ADAMTS6: variants seen among roughly 807,000 people sequenced by gnomAD.
ADAMTS6 encodes the protein ADAM metallopeptidase with thrombospondin type 1 motif 6.
Under a neutral mutation model 144.3 loss-of-function variants are expected in ADAMTS6, and 23 were observed. That is an observed-to-expected ratio of 0.16 (90% CI 0.11 to 0.23). ADAMTS6 has a LOEUF of 0.23. ADAMTS6 is among the 10% of genes least tolerant of loss of function. ADAMTS6 has a pLI of 1.00. For synonymous variants in ADAMTS6, 444 were observed against 457.5 expected (o/e 0.97, Z 0.38); for missense variants, 999 against 1,379.6 (o/e 0.72, Z 4.37).
At chr5:65,296,112 A>G (rs1439271195) in intron 10 of ADAMTS6, among the ~76,000 whole-genome samples, 1 of 152,158 alleles carries the variant, frequency 6.6e-6, no homozygotes, top group Non-Finnish European at 1.5e-5. Context: ...GTCAATCTAA[A>G]AAAGAAATCT....
chr5:65,439,878 C>T (rs1561543395), intron 7 of ADAMTS6, among the ~76,000 whole-genome samples: 1 of 152,158 alleles, frequency 6.6e-6, no homozygotes, highest in Admixed American at 6.5e-5. Flanking sequence ...GATTTCGGTT[C>T]ACTGCAACCT....
chr5:65,273,774 T>C (rs1170604296), intron 11 of ADAMTS6, among the ~76,000 whole-genome samples: 1 of 152,130 alleles, frequency 6.6e-6, no homozygotes, highest in African/African-American at 2.4e-5. Context: ...AGGAAATATA[T>C]GTTTATTACA....
chr5:65,269,263 A>G (rs918084487), intron 12 of ADAMTS6, among the ~76,000 whole-genome samples: 1 of 152,204 alleles, frequency 6.6e-6, no homozygotes, highest in Non-Finnish European at 1.5e-5. Flanking sequence ...TTCTATCCTT[A>G]TATTATCTCT....
At chr5:65,373,960 A>G (rs1381372790) in intron 7 of ADAMTS6, among the ~76,000 whole-genome samples, 1 of 152,238 alleles carries the variant, frequency 6.6e-6, no homozygotes, top group Non-Finnish European at 1.5e-5. Context: ...CAATATACGC[A>G]AATCAGTACA....
chr5:65,450,368 A>G (rs1758639146), intron 7 of ADAMTS6, among the ~76,000 whole-genome samples: 1 of 152,168 alleles, frequency 6.6e-6, no homozygotes, highest in Admixed American at 6.5e-5. Flanking sequence ...AACTTTTTCT[A>G]AAGTTTACAT....
At chr5:65,239,462 A>C (rs1758981107) in intron 15 of ADAMTS6, among the ~76,000 whole-genome samples, 1 of 152,200 alleles carries the variant, frequency 6.6e-6, no homozygotes, top group Admixed American at 6.5e-5. Context: ...CTTTTGGAAG[A>C]AAACATATGA....
intron 16 of ADAMTS6, 45 bp downstream of exon 16, chr5:65,226,041 A>G (rs775708409): frequency 8.3e-6 from 13 of 1,559,324 alleles, no homozygotes; most frequent in Non-Finnish European, 1.1e-5. Flanking sequence ...AGAAAAAGAT[A>G]AAAGTCTCAA....
chr5:65,338,587 T>C (rs10471653), intron 7 of ADAMTS6, among the ~76,000 whole-genome samples: 85,514 of 151,756 alleles, frequency 0.56, 25,182 homozygotes, highest in African/African-American at 0.74. Context: ...CAGCCTTTTG[T>C]CTGAATCCCA....
intron 7 of ADAMTS6, among the ~76,000 whole-genome samples, chr5:65,353,168 T>C (rs1749018817): frequency 6.6e-6 from 1 of 152,040 alleles, no homozygotes. Flanking sequence ...ACATTGTTAA[T>C]ATTAAAGAAA....
chr5:65,474,550 G>A (rs551116976), intron 1 of ADAMTS6, among the ~76,000 whole-genome samples: 1 of 152,100 alleles, frequency 6.6e-6, no homozygotes, highest in South Asian at 2.1e-4. Flanking sequence ...AAGGCAACTC[G>A]TGAGTCAATT....
intron 7 of ADAMTS6, among the ~76,000 whole-genome samples, chr5:65,428,909 T>C (rs779896602): frequency 1.1e-4 from 16 of 152,066 alleles, no homozygotes; most frequent in East Asian, 3.8e-4. Flanking sequence ...TAGGAAGAAA[T>C]AGTCAAACAT....
chr5:65,250,719 A>G (rs1760084250), intron 14 of ADAMTS6, among the ~76,000 whole-genome samples: 1 of 152,212 alleles, frequency 6.6e-6, no homozygotes, highest in Non-Finnish European at 1.5e-5. Context: ...CATATTATCA[A>G]GTAAACACCA....
chr5:65,355,192 T>TA (rs1382799091), intron 7 of ADAMTS6, among the ~76,000 whole-genome samples: 5 of 151,848 alleles, frequency 3.3e-5, no homozygotes, highest in African/African-American at 1.2e-4. Flanking sequence ...CTTCCAATCC[T>TA]AAACATTTTT....
intron 24 of ADAMTS6, among the ~76,000 whole-genome samples, chr5:65,164,189 C>T (rs1459801382): frequency 1.1e-4 from 16 of 151,864 alleles, no homozygotes; most frequent in African/African-American, 2.9e-4. Context: ...GTGCGCGAGC[C>T]GAAGCAGGGC....
chr5:65,164,034 T>C (rs2081115), intron 24 of ADAMTS6, among the ~76,000 whole-genome samples: 90,202 of 152,124 alleles, frequency 0.59, 27,158 homozygotes, highest in Non-Finnish European at 0.65. Context: ...GGAGCCAAGA[T>C]GGCCGAATAG....
intron 7 of ADAMTS6, among the ~76,000 whole-genome samples, chr5:65,420,113 A>G (rs1755894404): frequency 6.6e-6 from 1 of 152,194 alleles, no homozygotes; most frequent in African/African-American, 2.4e-5. Context: ...GGCAGCAGGA[A>G]GAAGTGCCAA....
intron 20 of ADAMTS6, among the ~76,000 whole-genome samples, chr5:65,206,200 A>G (rs1756073057): frequency 6.6e-6 from 1 of 152,230 alleles, no homozygotes. Context: ...GACAGAAAAA[A>G]AAAGACTAAG....
intron 24 of ADAMTS6, among the ~76,000 whole-genome samples, chr5:65,162,966 G>C (rs971041823): frequency 6.6e-6 from 1 of 152,138 alleles, no homozygotes. Context: ...CTGGAGTGCA[G>C]TGGCATGATC....
At chr5:65,465,097 T>TA (rs1759899378) in intron 3 of ADAMTS6, among the ~76,000 whole-genome samples, 1 of 152,228 alleles carries the variant, frequency 6.6e-6, no homozygotes, top group Non-Finnish European at 1.5e-5. Context: ...CTGACTGGTC[T>TA]CACTTTAGAT....
Sources: allele counts gnomAD v4.1 joint callset (sites outside exome capture counted in the v4.1 genomes callset), GRCh38; gene constraint gnomAD v4.1.1; transcripts MANE v1.5; gene names NCBI Gene and HGNC (gene_info 2026-07-23, HGNC 2026-07-21).